The following EML5 variants were observed in gnomAD, a reference collection of about 807,000 sequenced individuals.
EML5 encodes the protein echinoderm microtubule-associated protein-like 5.
Under a neutral mutation model 250.0 loss-of-function variants are expected in EML5, and 120 were observed. That is an observed-to-expected ratio of 0.48 (90% confidence interval 0.41 to 0.56). EML5 has a LOEUF of 0.56. EML5 is among the 20% of genes least tolerant of loss of function. The probability of loss-of-function intolerance (pLI) is 0.00; values close to 1 mark genes in which losing one functional copy is unlikely to be tolerated. For missense variants in EML5, 2,006 were observed against 2,437.6 expected (o/e 0.82, Z 3.73); for synonymous variants, 771 against 806.5 (o/e 0.96, Z 0.75).
At chr14:88,657,597 AAATT>A (rs1322991381) in intron 26 of EML5, 95 bp from the exon 27 acceptor site, 105 of 1,259,948 alleles carry the variant, frequency 8.3e-5, no homozygotes, top group Non-Finnish European at 1.0e-4. Context: ...AATATGAAAT[AAATT>A]AAGTTGTTAT....
chr14:88,729,879 TTTTG>T (rs1159204266), intron 7 of EML5, among the ~76,000 whole-genome samples: 1 of 151,658 alleles, frequency 6.6e-6, no homozygotes, highest in African/African-American at 2.4e-5. Flanking sequence ...TGTTTTTTTT[TTTTG>T]TTTTTTTAAT....
chr14:88,735,888 T>A (rs1280919351), intron 7 of EML5, among the ~76,000 whole-genome samples: 1 of 152,098 alleles, frequency 6.6e-6, no homozygotes, highest in Admixed American at 6.5e-5. Context: ...AAACTCCATA[T>A]CATATATTTG....
At chr14:88,671,321 GAGAA>G (rs1452323055) in intron 21 of EML5, among the ~76,000 whole-genome samples, 2 of 152,116 alleles carry the variant, frequency 1.3e-5, no homozygotes, top group Admixed American at 6.6e-5. Context: ...ATAAGTGAAG[GAGAA>G]ATAAACTCCT....
chr14:88,649,108 C>T (rs920190179), intron 28 of EML5, among the ~76,000 whole-genome samples: 2 of 152,016 alleles, frequency 1.3e-5, no homozygotes, highest in Non-Finnish European at 2.9e-5. Flanking sequence ...CAGCTCACTG[C>T]AGCCTCAAAC....
intron 4 of EML5, among the ~76,000 whole-genome samples, chr14:88,740,989 C>T: frequency 6.6e-6 from 1 of 152,058 alleles, no homozygotes; most frequent in Non-Finnish European, 1.5e-5. Context: ...ATGGCGAAGT[C>T]CCATCTCTGC....
Position 88,661,860 on chromosome 14 carries a change from G to A in EML5, c.3499-30C>T, listed in dbSNP as rs748101538. 7.6e-6 allele frequency: 12 copies of A among 1,586,728 alleles called. No homozygotes were observed. The East Asian group carries it at 2.7e-4, about 36-fold the overall frequency. ...AAATGAAAAACAATGCTGTAAGTTTGGATTATCCAAACCTAAAGTATTAAC... is the reference window on the plus strand; with the variant it reads ...AAATGAAAAACAATGCTGTAAGTTTAGATTATCCAAACCTAAAGTATTAAC... On this transcript the variant is annotated intron_variant, in intron 24 of 43. Coordinates refer to ENST00000554922, the MANE Select transcript of EML5 (RefSeq NM_183387.3).
intron 2 of EML5, among the ~76,000 whole-genome samples, chr14:88,750,595 C>T (rs915808276): frequency 1.3e-5 from 2 of 152,042 alleles, no homozygotes; most frequent in African/African-American, 4.8e-5. Flanking sequence ...AGAACCTACG[C>T]CCTCTAACTG....
At chr14:88,640,960 T>C (rs2140615474) in intron 31 of EML5, among the ~76,000 whole-genome samples, 1 of 152,014 alleles carries the variant, frequency 6.6e-6, no homozygotes, top group South Asian at 2.1e-4. Flanking sequence ...ATCTAGAGGC[T>C]ATGATGTTAG....
Position 88,613,196 on chromosome 14 carries a change from G to A in EML5, c.*2622C>T, listed in dbSNP as rs1255067532. 3 of 152,128 alleles carry A rather than the reference G, an allele frequency of 2.0e-5. No homozygotes were observed. The highest frequency in any genetic ancestry group is 7.2e-5 in the African/African-American group (3 of 41,424). The allele number at this position is 152,128 out of a possible 1,614,324, so 9.4% of individuals were successfully genotyped here. On this transcript the variant is annotated 3_prime_UTR_variant, in exon 44 of 44. Coordinates refer to ENST00000554922, the MANE Select transcript of EML5 (RefSeq NM_183387.3). ...ATCCCACAGGAAAGGCTTGAAACAC[G>A]AGAAGCAGCAAAGACAGAGCACACA...
At chr14:88,693,292 G>A (rs1184759661) in intron 17 of EML5, among the ~76,000 whole-genome samples, 7 of 152,172 alleles carry the variant, frequency 4.6e-5, no homozygotes, top group Non-Finnish European at 7.4e-5. Context: ...TATAAGGAAC[G>A]AGGTTTAATT....
At chr14:88,718,340 T>C (rs2093535809) in intron 8 of EML5, among the ~76,000 whole-genome samples, 1 of 152,170 alleles carries the variant, frequency 6.6e-6, no homozygotes, top group African/African-American at 2.4e-5. Flanking sequence ...TGAGACTATC[T>C]AGGGAGAAAA....
intron 31 of EML5, among the ~76,000 whole-genome samples, chr14:88,639,371 A>T (rs1412299919): frequency 6.6e-6 from 1 of 152,202 alleles, no homozygotes; most frequent in African/African-American, 2.4e-5. Flanking sequence ...ATGAAGAAGA[A>T]AGATGAGTAA....
Position 88,746,176 on chromosome 14 carries a change from A to G in EML5, c.456+9T>C, listed in dbSNP as rs770638403. ...GTACTCATTAGAAATCTCAAAAGAGAATACTTACTCTATCTGTATGACCAG... is the reference window on the plus strand; with the variant it reads ...GTACTCATTAGAAATCTCAAAAGAGGATACTTACTCTATCTGTATGACCAG... On this transcript the variant is annotated intron_variant, in intron 3 of 43. Coordinates refer to ENST00000554922, the MANE Select transcript of EML5 (RefSeq NM_183387.3). 7 of 1,603,458 alleles carry G rather than the reference A, an allele frequency of 4.4e-6. No homozygotes were observed. Among genetic ancestry groups the G allele is most frequent in the Non-Finnish European group, 6.0e-6 (7 of 1,172,206 alleles).
intron 8 of EML5, among the ~76,000 whole-genome samples, chr14:88,725,621 CA>C (rs2093655310): frequency 1.3e-5 from 2 of 152,078 alleles, no homozygotes; most frequent in Non-Finnish European, 2.9e-5. Flanking sequence ...AAGGACAGTA[CA>C]AAGCCTTTAT....
At chr14:88,768,251 G>A (rs2094345407) in intron 1 of EML5, among the ~76,000 whole-genome samples, 2 of 152,120 alleles carry the variant, frequency 1.3e-5, no homozygotes, top group African/African-American at 4.8e-5. Context: ...CCACTGTAAA[G>A]ATACTACAAA....
chr14:88,721,686 G>A (rs1294951244), intron 8 of EML5, among the ~76,000 whole-genome samples: 1 of 152,116 alleles, frequency 6.6e-6, no homozygotes, highest in Non-Finnish European at 1.5e-5. Flanking sequence ...TCTAGGCAAT[G>A]CCATTCAGGT....
chr14:88,681,171 T>G (rs1478552622), intron 21 of EML5, among the ~76,000 whole-genome samples: 1 of 152,068 alleles, frequency 6.6e-6, no homozygotes, highest in East Asian at 1.9e-4. Flanking sequence ...AAAAAACAGA[T>G]GGGAATGAAC....
intron 32 of EML5, among the ~76,000 whole-genome samples, chr14:88,635,883 A>G (rs2090696567): frequency 6.7e-6 from 1 of 148,946 alleles, no homozygotes; most frequent in Non-Finnish European, 1.5e-5. Flanking sequence ...TTTTTTCACC[A>G]TGTGAGGATA....
rs144574146 is a variant in EML5 at position 88,735,543 on chromosome 14, G to C, written c.1049+821C>G. On this transcript the variant is annotated intron_variant, in intron 7 of 43. Coordinates refer to ENST00000554922, the MANE Select transcript of EML5 (RefSeq NM_183387.3). ...ACCTTTTGGGATTATAATTAGTTCT[G>C]TTAAGGGTGTGAGAAAACAGGCACT... Among the ~76,000 whole-genome samples, 13 of 152,316 alleles carry C rather than the reference G, an allele frequency of 8.5e-5. No individual in the cohort carries two copies. In the East Asian group the frequency reaches 2.5e-3, roughly 29 times the overall value.
Sources: gnomAD v4.1 joint callset for allele counts (sites outside exome capture counted in the v4.1 genomes callset) on GRCh38, gnomAD v4.1.1 for gene constraint, MANE v1.5 for transcripts, NCBI Gene and HGNC (gene_info 2026-07-23, HGNC 2026-07-21) for gene names.